The following EIPR1 variants were observed in gnomAD, a reference collection of about 807,000 sequenced individuals.
EIPR1 encodes the protein EARP and GARP complex-interacting protein 1.
Under a neutral mutation model 48.1 loss-of-function variants are expected in EIPR1, and 25 were observed. The observed-to-expected ratio is 0.52, with a 90% confidence interval of 0.38 to 0.73. EIPR1 has a LOEUF of 0.73. EIPR1 is among the 30% of genes least tolerant of loss of function. The pLI is 0.00. For missense variants in EIPR1, 415 were observed against 506.2 expected (o/e 0.82, Z 1.73); for synonymous variants, 204 against 201.9 (o/e 1.01, Z -0.09).
At chr2:3,202,141 G>T (rs184068122) in intron 5 of EIPR1, among the ~76,000 whole-genome samples, 4,536 of 152,176 alleles carry the variant, frequency 0.03, 94 homozygotes, top group Non-Finnish European at 0.045. Context: ...GTTTCACCAT[G>T]TTAGCCAGGA....
intron 4 of EIPR1, among the ~76,000 whole-genome samples, chr2:3,234,461 G>C (rs966437550): frequency 6.6e-6 from 1 of 152,002 alleles, no homozygotes; most frequent in Non-Finnish European, 1.5e-5. Flanking sequence ...ACATCGCATC[G>C]AGGCTCCGGC....
At chr2:3,248,828 C>G (rs1374833595) in intron 4 of EIPR1, among the ~76,000 whole-genome samples, 2 of 152,180 alleles carry the variant, frequency 1.3e-5, no homozygotes, top group Non-Finnish European at 2.9e-5. Flanking sequence ...CATTCTCTCT[C>G]TTGCTCCTAT....
chr2:3,239,295 A>G (rs1465117909), intron 4 of EIPR1, among the ~76,000 whole-genome samples: 1 of 152,224 alleles, frequency 6.6e-6, no homozygotes, highest in Non-Finnish European at 1.5e-5. Flanking sequence ...AAAAGCAAAC[A>G]AAACCCCACA....
intron 3 of EIPR1, among the ~76,000 whole-genome samples, chr2:3,296,388 G>GCA (rs1222808472): frequency 1.4e-4 from 4 of 28,728 alleles, no homozygotes; most frequent in African/African-American, 2.9e-4. Flanking sequence ...TCCTCTCTCT[G>GCA]CACACACACA....
intron 3 of EIPR1, among the ~76,000 whole-genome samples, chr2:3,259,978 G>A (rs1022845594): frequency 6.6e-6 from 1 of 152,124 alleles, no homozygotes; most frequent in African/African-American, 2.4e-5. Context: ...ATCTTTTCAA[G>A]AATACATAGT....
chr2:3,337,578 G>A (rs752763612), intron 3 of EIPR1, among the ~76,000 whole-genome samples: 4 of 152,106 alleles, frequency 2.6e-5, no homozygotes, highest in East Asian at 1.9e-4. Context: ...GCACAACGGC[G>A]GGCAGGAAGA....
At chr2:3,206,848 T>C (rs1665253568) in intron 5 of EIPR1, among the ~76,000 whole-genome samples, 1 of 152,062 alleles carries the variant, frequency 6.6e-6, no homozygotes, top group Non-Finnish European at 1.5e-5. Context: ...AGGCAATCCT[T>C]GGGAGAGGGA....
intron 4 of EIPR1, among the ~76,000 whole-genome samples, chr2:3,248,881 G>C (rs1279689575): frequency 6.6e-6 from 1 of 152,178 alleles, no homozygotes; most frequent in Non-Finnish European, 1.5e-5. Context: ...CTTCCACAAT[G>C]ATTGTAAGTT....
intron 3 of EIPR1, among the ~76,000 whole-genome samples, chr2:3,289,918 G>A (rs1249501631): frequency 1.3e-5 from 2 of 152,128 alleles, no homozygotes; most frequent in Non-Finnish European, 2.9e-5. Flanking sequence ...CCTTTGTCAC[G>A]GCCTCCAGGG....
At position 3,189,134 on chromosome 2, in the gene EIPR1, T is replaced by C; in HGVS notation, c.*200A>G. On this transcript the variant is annotated 3_prime_UTR_variant, in exon 9 of 9. Coordinates refer to ENST00000382125, the MANE Select transcript of EIPR1 (RefSeq NM_003310.5). The surrounding 1 kb of genome is among the most constrained non-coding windows in gnomAD (Gnocchi z 4.6). ...GGGCTCTGTCTCTGCCGACAGGGGC[T>C]GGGTTCGGGCATTAGCTGTGCCGTC... is the stretch of plus-strand genomic sequence containing the variant. 1 of 442,950 alleles carries C rather than the reference T, an allele frequency of 2.3e-6. No individual in the cohort carries two copies. Among genetic ancestry groups the C allele is most frequent in the Non-Finnish European group, 3.9e-6 (1 of 256,624 alleles). The allele number at this position is 442,950 out of a possible 1,614,324, so 27.4% of individuals were successfully genotyped here. A position where few individuals can be genotyped will look rare whatever the true frequency, so the allele number is the denominator to read the frequency against.
intron 8 of EIPR1, among the ~76,000 whole-genome samples, chr2:3,191,647 T>C (rs1664609469): frequency 6.6e-6 from 1 of 152,230 alleles, no homozygotes; most frequent in Non-Finnish European, 1.5e-5. Flanking sequence ...CAAGAATCTC[T>C]GCGGTTGCAA....
chr2:3,242,434 G>T (rs1170080923), intron 4 of EIPR1, among the ~76,000 whole-genome samples: 1 of 148,696 alleles, frequency 6.7e-6, no homozygotes, highest in African/African-American at 2.5e-5. Flanking sequence ...AGCCATCGAT[G>T]GCTGGAAGAC....
At chr2:3,273,319 C>T (rs1341579791) in intron 3 of EIPR1, among the ~76,000 whole-genome samples, 1 of 152,148 alleles carries the variant, frequency 6.6e-6, no homozygotes, top group Non-Finnish European at 1.5e-5. Context: ...TGATAAACCA[C>T]GGTTAGCTAC....
intron 5 of EIPR1, among the ~76,000 whole-genome samples, chr2:3,210,627 CTTTTTTTT>C (rs56963007): frequency 8.4e-6 from 1 of 118,418 alleles, no homozygotes. Context: ...CCTCCCAATT[CTTTTTTTT>C]TTTTTTTTTT....
chr2:3,283,145 CAG>C (rs1164693665), intron 3 of EIPR1, among the ~76,000 whole-genome samples: 1 of 152,216 alleles, frequency 6.6e-6, no homozygotes, highest in Non-Finnish European at 1.5e-5. Context: ...TTTGAGGAAT[CAG>C]GGGAAGGCCA....
intron 3 of EIPR1, among the ~76,000 whole-genome samples, chr2:3,278,610 C>T (rs1348036514): frequency 6.6e-6 from 1 of 152,174 alleles, no homozygotes; most frequent in Admixed American, 6.5e-5. Context: ...CCTGGCCTGG[C>T]CTGCTCTACC....
At chr2:3,324,604 C>T (rs1669635305) in intron 3 of EIPR1, among the ~76,000 whole-genome samples, 2 of 152,262 alleles carry the variant, frequency 1.3e-5, no homozygotes, top group African/African-American at 2.4e-5. Context: ...CTTCTGAAAG[C>T]CGACCCTGCC....
At chr2:3,375,481 TTTC>T (rs939498589) in intron 1 of EIPR1, among the ~76,000 whole-genome samples, 6 of 152,314 alleles carry the variant, frequency 3.9e-5, no homozygotes, top group African/African-American at 1.2e-4. Flanking sequence ...TTTTGAGAGA[TTTC>T]TTAAGGAGAT....
At chr2:3,297,914 CG>C (rs910977674) in intron 3 of EIPR1, among the ~76,000 whole-genome samples, 1 of 152,170 alleles carries the variant, frequency 6.6e-6, no homozygotes, top group African/African-American at 2.4e-5. Context: ...ATCTGCCTCC[CG>C]GGTTCAGCTT....
Sources: allele counts gnomAD v4.1 joint callset (sites outside exome capture counted in the v4.1 genomes callset), GRCh38; gene constraint gnomAD v4.1.1; non-coding constraint Gnocchi (gnomAD v3.1); transcripts MANE v1.5; gene names NCBI Gene and HGNC (gene_info 2026-07-23, HGNC 2026-07-21).